The following DLGAP2 variants were observed in gnomAD, a reference collection of about 807,000 sequenced individuals.
DLGAP2 encodes DLG associated protein 2.
Under a neutral mutation model 100.3 loss-of-function variants are expected in DLGAP2, and 26 were observed. The observed-to-expected ratio is 0.26, with a 90% CI of 0.19 to 0.36. The LOEUF (loss-of-function observed/expected upper bound fraction) is 0.36, where lower values mean the gene tolerates loss of function less well. Ranked by LOEUF, DLGAP2 falls within the 10% of genes least tolerant of loss-of-function variation. DLGAP2 has a pLI of 1.00. For synonymous variants in DLGAP2, 886 were observed against 630.1 expected, an observed-to-expected ratio of 1.41 and a Z score of -6.08; for missense variants, 1,858 against 1,453.2, an observed-to-expected ratio of 1.28 and a Z score of -4.53.
At position 1,350,289 on chromosome 8, in the gene DLGAP2, C is replaced by T. The variant is rs187893100; in HGVS notation, c.106+91406C>T. Among the ~76,000 whole-genome samples the T allele has an allele frequency of 6.6e-3, 206 of 31,188 alleles. 7 individuals carry two copies. Among genetic ancestry groups the T allele is most frequent in the South Asian group, 0.02 (10 of 500 alleles). The allele number at this position is 31,188 out of a possible 152,430, so 20.5% of individuals were successfully genotyped here. A position where few individuals can be genotyped will look rare whatever the true frequency, so the allele number is the denominator to read the frequency against. On this transcript the variant is annotated intron_variant, in intron 3 of 14. Coordinates refer to ENST00000637795, the MANE Select transcript of DLGAP2 (RefSeq NM_001346810.2). ...GTGGAACGGCCGTGCGGGTCCTGAG[C>T]GTGCGTGGAAAGGCCGTGCGGGTCC...
At chr8:1,392,398 C>T (rs531657553) in intron 3 of DLGAP2, among the ~76,000 whole-genome samples, 1 of 152,284 alleles carries the variant, frequency 6.6e-6, no homozygotes, top group East Asian at 1.9e-4. Flanking sequence ...TCGCGGCACT[C>T]GGGGAAAACC....
In DLGAP2 at chr8:1,308,061, C is replaced by A. The variant is rs185544085; in HGVS notation, c.106+49178C>A. ...CATGTACATGGGGGAACGCACAAAG[C>A]TGTGCATACACCAGGTCAATGTGCG... On this transcript the variant is annotated intron_variant, in intron 3 of 14. Coordinates refer to ENST00000637795, the MANE Select transcript of DLGAP2 (RefSeq NM_001346810.2). Among the ~76,000 whole-genome samples the A allele has an allele frequency of 1.3e-3, 195 of 152,332 alleles. 1 individual carries two copies. The highest frequency in any genetic ancestry group is 3.9e-3 in the African/African-American group (164 of 41,576).
At chr8:1,343,946 C>T (rs1215304482) in intron 3 of DLGAP2, among the ~76,000 whole-genome samples, 1 of 152,148 alleles carries the variant, frequency 6.6e-6, no homozygotes, top group Non-Finnish European at 1.5e-5. Flanking sequence ...CCCTCCTGGC[C>T]GAGGGCAGGT....
At chr8:1,132,597 G>C (rs904639279) in intron 2 of DLGAP2, among the ~76,000 whole-genome samples, 7 of 152,260 alleles carry the variant, frequency 4.6e-5, no homozygotes, top group African/African-American at 1.7e-4. Flanking sequence ...GCCCAACACA[G>C]TAAAGCCAGA....
At chr8:761,582 G>A (rs1484652991) in intron 1 of DLGAP2, among the ~76,000 whole-genome samples, 1 of 152,324 alleles carries the variant, frequency 6.6e-6, no homozygotes, top group Admixed American at 6.5e-5. Context: ...GATCCTGGCC[G>A]GGATGGGCAC....
intron 1 of DLGAP2, among the ~76,000 whole-genome samples, chr8:803,812 A>T (rs1319410601): frequency 6.6e-6 from 1 of 152,232 alleles, no homozygotes; most frequent in Non-Finnish European, 1.5e-5. Context: ...AGCATAATGA[A>T]TGAGCACATT....
At chr8:921,797 C>G (rs1238686839) in intron 2 of DLGAP2, among the ~76,000 whole-genome samples, 1 of 152,254 alleles carries the variant, frequency 6.6e-6, no homozygotes, top group African/African-American at 2.4e-5. Flanking sequence ...GGCTCTTCTG[C>G]TCTTGGTCTT....
At chr8:1,363,823 C>T (rs923999201) in intron 3 of DLGAP2, among the ~76,000 whole-genome samples, 12 of 152,296 alleles carry the variant, frequency 7.9e-5, no homozygotes, top group South Asian at 2.1e-4. Flanking sequence ...TGACAGAGCC[C>T]GGCTGCCCGT....
chr8:996,616 AT>A (rs1434098444), intron 2 of DLGAP2, among the ~76,000 whole-genome samples: 1 of 152,148 alleles, frequency 6.6e-6, no homozygotes, highest in African/African-American at 2.4e-5. Context: ...AACCTTATGA[AT>A]ATAAAAGGAT....
At chr8:1,257,943 C>A (rs950385038) in intron 2 of DLGAP2, among the ~76,000 whole-genome samples, 1 of 152,218 alleles carries the variant, frequency 6.6e-6, no homozygotes, top group Admixed American at 6.5e-5. Context: ...TGAACCCAGG[C>A]CTACCCGGCC....
intron 2 of DLGAP2, among the ~76,000 whole-genome samples, chr8:1,229,887 C>T (rs61419555): frequency 0.043 from 6,594 of 152,182 alleles, 270 homozygotes; most frequent in African/African-American, 0.1. Context: ...ATAAGTGCCA[C>T]CTATGACAAA....
intron 2 of DLGAP2, among the ~76,000 whole-genome samples, chr8:1,226,611 G>C (rs976130937): frequency 1.3e-5 from 2 of 152,070 alleles, no homozygotes; most frequent in African/African-American, 2.4e-5. Context: ...CATGTATCCT[G>C]GAACTGAAAA....
At chr8:1,307,123 C>A (rs1272751346) in intron 3 of DLGAP2, among the ~76,000 whole-genome samples, 2 of 152,080 alleles carry the variant, frequency 1.3e-5, no homozygotes, top group Non-Finnish European at 2.9e-5. Context: ...TATCATATAT[C>A]AAAATTCAAA....
At chr8:1,683,528 A>C (rs1408592922) in intron 12 of DLGAP2, among the ~76,000 whole-genome samples, 2 of 151,050 alleles carry the variant, frequency 1.3e-5, no homozygotes, top group African/African-American at 4.9e-5. Flanking sequence ...CTGTCATTTG[A>C]GATTTTAGGC....
chr8:1,212,429 C>T lies in DLGAP2; in HGVS notation c.74-46422C>T, dbSNP rs76522078. Among the ~76,000 whole-genome samples the T allele has an allele frequency of 8.7e-3, 1,317 of 152,168 alleles. 22 individuals are homozygous for T. Among genetic ancestry groups the T allele is most frequent in the African/African-American group, 0.03 (1,259 of 41,496 alleles). On this transcript the variant is annotated intron_variant, in intron 2 of 14. Transcript: ENST00000637795. ...TGCCATCCTTTGAGCTTTTAAAAAC[C>T]GTTCATTTGGTAGAGATCTATTTGA...
intron 3 of DLGAP2, among the ~76,000 whole-genome samples, chr8:1,313,907 C>G (rs1310714133): frequency 6.6e-6 from 1 of 152,144 alleles, no homozygotes. Context: ...CCCCCAAGAA[C>G]CACCGCACGG....
intron 3 of DLGAP2, among the ~76,000 whole-genome samples, chr8:1,309,492 A>G (rs1800564287): frequency 6.6e-6 from 1 of 152,254 alleles, no homozygotes; most frequent in South Asian, 2.1e-4. Context: ...TAAGAAGTTT[A>G]TAGTCAGTAA....
intron 2 of DLGAP2, among the ~76,000 whole-genome samples, chr8:1,258,345 A>G (rs749216162): frequency 1.2e-4 from 19 of 152,140 alleles, no homozygotes; most frequent in Non-Finnish European, 2.2e-4. Flanking sequence ...CGTTACTACC[A>G]AACACCACAT....
chr8:1,048,350 C>G (rs757041516), intron 2 of DLGAP2, among the ~76,000 whole-genome samples: 2 of 152,100 alleles, frequency 1.3e-5, no homozygotes, highest in Non-Finnish European at 2.9e-5. Flanking sequence ...CTAGTTCCAT[C>G]TGACTTCAAA....
Sources: allele counts gnomAD v4.1 joint callset (sites outside exome capture counted in the v4.1 genomes callset), GRCh38; gene constraint gnomAD v4.1.1; transcripts MANE v1.5; gene names NCBI Gene and HGNC (gene_info 2026-07-23, HGNC 2026-07-21).